LRP1B: variants seen among roughly 807,000 people sequenced by gnomAD.
LRP1B encodes low-density lipoprotein receptor-related protein 1B.
A neutral mutation model predicts 556.6 loss-of-function variants in LRP1B; 217 were observed. The observed-to-expected ratio is 0.39, with a 90% confidence interval of 0.35 to 0.44. The LOEUF is 0.44. Among genes scored for constraint, LRP1B ranks in the 20% least tolerant of loss-of-function variants. The pLI, the probability that LRP1B is intolerant of heterozygous loss-of-function variation, is 1.00. For missense variants in LRP1B, 5,053 were observed against 5,620.8 expected (o/e 0.90, Z 3.23); for synonymous variants, 2,047 against 1,865.8 (o/e 1.10, Z -2.50).
intron 23 of LRP1B, among the ~76,000 whole-genome samples, chr2:140,889,665 T>C (rs964259171): frequency 3.3e-5 from 5 of 152,146 alleles, no homozygotes; most frequent in African/African-American, 1.2e-4. Context: ...GTGATGTTGT[T>C]ACCCCCATTT....
intron 87 of LRP1B, among the ~76,000 whole-genome samples, chr2:140,243,727 C>A (rs1219184847): frequency 6.6e-6 from 1 of 151,152 alleles, no homozygotes; most frequent in Non-Finnish European, 1.5e-5. Context: ...CTTTGTACCA[C>A]TCTCCCCCTT....
chr2:140,434,043 GTTTC>G (rs878979575), intron 66 of LRP1B, among the ~76,000 whole-genome samples: 5 of 151,286 alleles, frequency 3.3e-5, no homozygotes, highest in South Asian at 2.1e-4. Context: ...AATAGTAATA[GTTTC>G]TTTCTTTCTT....
chr2:141,126,253 C>T (rs1701207814), intron 7 of LRP1B, among the ~76,000 whole-genome samples: 1 of 152,100 alleles, frequency 6.6e-6, no homozygotes, highest in African/African-American at 2.4e-5. Context: ...AGGCTGGTCT[C>T]AAACTCCTCA....
intron 3 of LRP1B, among the ~76,000 whole-genome samples, chr2:141,279,087 A>G (rs1336591250): frequency 1.3e-5 from 2 of 152,114 alleles, no homozygotes; most frequent in African/African-American, 4.8e-5. Flanking sequence ...ATACTTTATA[A>G]CATCTCTGAT....
intron 2 of LRP1B, among the ~76,000 whole-genome samples, chr2:141,700,552 A>T (rs1433210850): frequency 1.3e-5 from 2 of 151,806 alleles, no homozygotes; most frequent in Non-Finnish European, 2.9e-5. Flanking sequence ...GGCCTCAGAA[A>T]ACAATAGCCC....
intron 23 of LRP1B, among the ~76,000 whole-genome samples, chr2:140,897,712 C>T (rs548418621): frequency 2.6e-5 from 4 of 152,306 alleles, no homozygotes; most frequent in African/African-American, 7.2e-5. Context: ...ATGCTGGATG[C>T]TTCCTGCCCT....
intron 2 of LRP1B, among the ~76,000 whole-genome samples, chr2:141,580,743 T>C (rs958718816): frequency 1.5e-4 from 23 of 152,202 alleles, no homozygotes; most frequent in African/African-American, 5.5e-4. Context: ...AGCACAAAAC[T>C]TCACGGCAAA....
chr2:141,660,017 T>G (rs1690152994), intron 2 of LRP1B, among the ~76,000 whole-genome samples: 1 of 151,696 alleles, frequency 6.6e-6, no homozygotes, highest in Admixed American at 6.6e-5. Flanking sequence ...ATTAAGAATG[T>G]TTCCCTGGCA....
chr2:140,848,153 T>C (rs1267375536), intron 29 of LRP1B, among the ~76,000 whole-genome samples: 1 of 152,182 alleles, frequency 6.6e-6, no homozygotes, highest in African/African-American at 2.4e-5. Context: ...CCTAACTGAT[T>C]GTCAATCTTC....
intron 3 of LRP1B, among the ~76,000 whole-genome samples, chr2:141,383,331 C>T (rs1689710607): frequency 6.6e-6 from 1 of 152,096 alleles, no homozygotes; most frequent in African/African-American, 2.4e-5. Context: ...AATAAAACTA[C>T]CATATATAAT....
chr2:141,652,054 T>C (rs536539532), intron 2 of LRP1B, among the ~76,000 whole-genome samples: 1 of 152,328 alleles, frequency 6.6e-6, no homozygotes, highest in Non-Finnish European at 1.5e-5. Flanking sequence ...TAAATACAGG[T>C]GGATCTGATC....
intron 41 of LRP1B, among the ~76,000 whole-genome samples, chr2:140,629,545 TC>T (rs1683803698): frequency 6.6e-6 from 1 of 152,132 alleles, no homozygotes; most frequent in Non-Finnish European, 1.5e-5. Flanking sequence ...ACTGCCTGAG[TC>T]CAGTACATAA....
intron 32 of LRP1B, among the ~76,000 whole-genome samples, chr2:140,778,098 T>C (rs1305765550): frequency 6.6e-6 from 1 of 152,178 alleles, no homozygotes. Context: ...AGCTAGGACA[T>C]GACATTTTAA....
intron 2 of LRP1B, among the ~76,000 whole-genome samples, chr2:141,700,568 G>A (rs1691905769): frequency 6.6e-6 from 1 of 151,696 alleles, no homozygotes; most frequent in African/African-American, 2.4e-5. Context: ...AGCCCAAAGT[G>A]AAGGCCTCAG....
intron 59 of LRP1B, among the ~76,000 whole-genome samples, 158 bp downstream of exon 59, chr2:140,485,185 T>C (rs544202448): frequency 6.6e-6 from 1 of 152,184 alleles, no homozygotes; most frequent in Non-Finnish European, 1.5e-5. Flanking sequence ...CCTTTCATTG[T>C]GATAATCACA....
Position 141,571,633 on chromosome 2 carries a change from T to C in LRP1B, c.206-91100A>G, listed in dbSNP as rs115264367. ...AGAATATGGGTAATCAAAAACTATGTTGAGCCAAAGGAAATGTTCTAACCC... is the reference window on the plus strand; with the variant it reads ...AGAATATGGGTAATCAAAAACTATGCTGAGCCAAAGGAAATGTTCTAACCC... On this transcript the variant is annotated intron_variant, in intron 2 of 90. Transcript: ENST00000389484. 8.0e-3 allele frequency among the ~76,000 whole-genome samples: 1,217 copies of C among 152,140 alleles called. 11 individuals are homozygous for C. Among genetic ancestry groups the C allele is most frequent in the African/African-American group, 0.026 (1,092 of 41,528 alleles).
At chr2:140,754,570 A>G (rs1007496342) in intron 35 of LRP1B, among the ~76,000 whole-genome samples, 2 of 152,176 alleles carry the variant, frequency 1.3e-5, no homozygotes, top group African/African-American at 4.8e-5. Flanking sequence ...ACATTCTTAA[A>G]TGACAAATGA....
intron 35 of LRP1B, among the ~76,000 whole-genome samples, chr2:140,767,265 C>A (rs1013330334): frequency 6.6e-6 from 1 of 152,014 alleles, no homozygotes; most frequent in Admixed American, 6.6e-5. Context: ...GCTTGCATCC[C>A]TTTACATTTA....
At chr2:141,976,201 G>A (rs561754986) in intron 1 of LRP1B, among the ~76,000 whole-genome samples, 1 of 152,036 alleles carries the variant, frequency 6.6e-6, no homozygotes, top group South Asian at 2.1e-4. Context: ...GAACATATAG[G>A]AATATTTTTT....
Sources: allele counts gnomAD v4.1 joint callset (sites outside exome capture counted in the v4.1 genomes callset), GRCh38; gene constraint gnomAD v4.1.1; transcripts MANE v1.5; gene names NCBI Gene and HGNC (gene_info 2026-07-23, HGNC 2026-07-21).